The following PHC2 variants were observed in gnomAD, a reference collection of about 807,000 sequenced individuals.
The protein encoded by PHC2 is polyhomeotic-like protein 2.
In PHC2, 29 loss-of-function variants were observed where a neutral mutation model predicts 87.4. That is an observed-to-expected ratio of 0.33 (90% CI 0.25 to 0.45). The LOEUF is 0.45. Among genes scored for constraint, PHC2 ranks in the 20% least tolerant of loss-of-function variants. PHC2 has a pLI of 1.00. For missense variants in PHC2, 857 were observed against 1,136.7 expected (o/e 0.75, Z 3.54); for synonymous variants, 438 against 461.7 (o/e 0.95, Z 0.66).
Position 33,349,018 on chromosome 1 carries a change from G to A in PHC2, c.1558+5383C>T, listed in dbSNP as rs1390439885. 14 of 949,656 alleles carry A rather than the reference G, an allele frequency of 1.5e-5. No homozygotes were observed. The highest frequency in any genetic ancestry group is 1.0e-5 in the Non-Finnish European group (8 of 797,474). 58.8% of individuals were successfully genotyped at this position (949,656 alleles called of 1,614,324 possible). On this transcript the variant is annotated intron_variant, in intron 9 of 14. Transcript: ENST00000683057. The surrounding 1 kb of genome is among the most constrained non-coding windows in gnomAD (Gnocchi z 4.2). ...TTAAATACAGAATCTCACAAATCCC[G>A]ATTTTAATGTAAAGAAGCAACAAAT...
At chr1:33,403,015 G>A (rs545687902) in intron 1 of PHC2, among the ~76,000 whole-genome samples, 6 of 151,064 alleles carry the variant, frequency 4.0e-5, no homozygotes, top group Admixed American at 4.0e-4. Flanking sequence ...TAGACATGGG[G>A]TTTCACTGTG....
At chr1:33,379,586 C>A (rs1048339780) in intron 1 of PHC2, among the ~76,000 whole-genome samples, 5 of 145,198 alleles carry the variant, frequency 3.4e-5, no homozygotes, top group Non-Finnish European at 1.5e-5. Context: ...TGCCCCTGGT[C>A]CCTGCCATCT....
At chr1:33,326,820 C>T (rs866161686) in intron 14 of PHC2, among the ~76,000 whole-genome samples, 4 of 152,114 alleles carry the variant, frequency 2.6e-5, no homozygotes, top group East Asian at 3.9e-4. Context: ...TGTGTGGTGG[C>T]GAATGTCTGT....
intron 9 of PHC2, chr1:33,348,903 C>T: frequency 4.8e-6 from 1 of 208,102 alleles, no homozygotes; most frequent in Non-Finnish European, 8.4e-6. Context: ...GTATCCGACA[C>T]GGGGCCCAGG....
chr1:33,350,439 CAG>C (rs1328887353), intron 9 of PHC2: 1 of 152,318 alleles, frequency 6.6e-6, no homozygotes, highest in Non-Finnish European at 1.5e-5. Flanking sequence ...GGCACACGGT[CAG>C]AGTCCCGTAA....
chr1:33,339,979 A>G (rs1646713021), intron 9 of PHC2, among the ~76,000 whole-genome samples: 1 of 152,206 alleles, frequency 6.6e-6, no homozygotes, highest in African/African-American at 2.4e-5. Flanking sequence ...AACATCTGCA[A>G]CAGGTATTTC....
chr1:33,393,702 C>T (rs1431511442), intron 1 of PHC2, among the ~76,000 whole-genome samples: 2 of 152,252 alleles, frequency 1.3e-5, no homozygotes, highest in Non-Finnish European at 2.9e-5. Context: ...CTCAGTAATC[C>T]AGAGCCAATG....
chr1:33,331,689 G>C lies in PHC2; in HGVS notation c.1892-227C>G. The stretch of plus-strand genomic sequence containing the variant: ...TAGACTTGACATTTTTTTCTTCCAC[G>C]TGGTCTGAGTCTGAGGCAAAACACA... On this transcript the variant is annotated intron_variant, in intron 11 of 14. Coordinates refer to ENST00000683057, the MANE Select transcript of PHC2 (RefSeq NM_001385109.1). This position sits in a 1 kb window ranked among gnomAD's most constrained non-coding sequence, Gnocchi z 5.2. 2.2e-6 allele frequency: 1 copy of C among 454,760 alleles called. No homozygotes were observed. Among genetic ancestry groups the C allele is most frequent in the Non-Finnish European group, 3.9e-6 (1 of 256,340 alleles). 28.2% of individuals were successfully genotyped at this position (454,760 alleles called of 1,614,324 possible).
chr1:33,335,571 T>C (rs916176843), intron 9 of PHC2, among the ~76,000 whole-genome samples: 1 of 152,220 alleles, frequency 6.6e-6, no homozygotes, highest in Non-Finnish European at 1.5e-5. Context: ...TGCTTAATTA[T>C]ATAGTATGGA....
intron 5 of PHC2, 48 bp downstream of exon 5, chr1:33,370,373 C>T (rs750784645): frequency 2.5e-5 from 40 of 1,573,252 alleles, no homozygotes; most frequent in Non-Finnish European, 3.5e-5. Context: ...TTCTCTGCCT[C>T]TGTCCTCCTG....
chr1:33,334,318 AAGC>A lies in PHC2; in HGVS notation c.1559-29_1559-27del. 1 of 1,603,442 alleles carries A rather than the reference AAGC, an allele frequency of 6.2e-7. No individual in the cohort carries two copies. Among genetic ancestry groups the A allele is most frequent in the South Asian group, 1.1e-5 (1 of 90,490 alleles). ...CTGCACGAGAGAGAGTAGGAAAACA[AAGC>A]AGGGGAGATCAGAACCAGAGTCCAC... On this transcript the variant is annotated intron_variant, in intron 9 of 14. Transcript: ENST00000683057. This position sits in a 1 kb window ranked among gnomAD's most constrained non-coding sequence, Gnocchi z 5.5.
At chr1:33,371,445 GGCCACCACCATCACACCCA>G (rs1202432366) in intron 3 of PHC2, among the ~76,000 whole-genome samples, 6 of 151,074 alleles carry the variant, frequency 4.0e-5, no homozygotes, top group African/African-American at 9.7e-5. Context: ...CATCACACCT[GGCCACCACCATCACACCCA>G]GCCACCACCA....
In PHC2 at chr1:33,364,422, A is replaced by ACACACACG. The variant is rs1276306678; in HGVS notation, c.976+2693_976+2694insCGTGTGTG. Reference sequence around the variant, plus strand: ...CACACACACACACACACACACACACACACGCTCAAGCACGCTCTTCTCTCC... The same window carrying ACACACACG: ...CACACACACACACACACACACACACACACACACGCACGCTCAAGCACGCTCTTCTCTCC... On this transcript the variant is annotated intron_variant, in intron 7 of 14. Coordinates refer to ENST00000683057, the MANE Select transcript of PHC2 (RefSeq NM_001385109.1). This position sits in a 1 kb window ranked among gnomAD's most constrained non-coding sequence, Gnocchi z 4.1. 3.4e-3 allele frequency among the ~76,000 whole-genome samples: 503 copies of ACACACACG among 149,734 alleles called. 5 individuals carry two copies. The highest frequency in any genetic ancestry group is 0.021 in the East Asian group (102 of 4,884).
intron 1 of PHC2, among the ~76,000 whole-genome samples, chr1:33,384,433 AAG>A (rs1383383279): frequency 2.6e-5 from 4 of 152,224 alleles, no homozygotes; most frequent in African/African-American, 9.6e-5. Context: ...TTGAGATGGG[AAG>A]AGTTACCAAA....
chr1:33,370,168 T>G (rs1215202945), intron 5 of PHC2, among the ~76,000 whole-genome samples: 1 of 152,170 alleles, frequency 6.6e-6, no homozygotes, highest in African/African-American at 2.4e-5. Context: ...TCTGTTTCAC[T>G]CTAGGAGGAG....
chr1:33,334,378 C>A lies in PHC2; in HGVS notation c.1559-86G>T, dbSNP rs1051222227. ...GGAGGGACAGCAAGGACTCAAACTG[C>A]GCCCGGCTTTTACCGTGGGGCCAAG... On this transcript the variant is annotated intron_variant, in intron 9 of 14. Transcript: ENST00000683057. This position sits in a 1 kb window ranked among gnomAD's most constrained non-coding sequence, Gnocchi z 5.5. 2.4e-6 allele frequency: 3 copies of A among 1,252,404 alleles called. No individual in the cohort carries two copies. The South Asian group carries it at 3.9e-5, about 16-fold the overall frequency. The allele number at this position is 1,252,404 out of a possible 1,614,324, so 77.6% of individuals were successfully genotyped here.
chr1:33,372,298 G>C lies in PHC2; in HGVS notation c.324C>G (p.Ala108=), dbSNP rs763927972. ...CCTTCCCAAGTCTCACCTGCTGTAC[G>C]GCTGCCAGGCTCTGGAGCTGGGCGC... ...LSSAQLQSLA[A]VQQASLVSNR... Residue 108 remains alanine, a synonymous_variant, in exon 3 of 15, where the codon GCC becomes GCG. Coordinates refer to ENST00000683057, the MANE Select transcript of PHC2 (RefSeq NM_001385109.1). 4 of 1,565,808 alleles carry C rather than the reference G, an allele frequency of 2.6e-6. No homozygotes were observed. Among genetic ancestry groups the C allele is most frequent in the Non-Finnish European group, 3.5e-6 (4 of 1,150,922 alleles).
intron 9 of PHC2, chr1:33,346,223 G>T: frequency 1.2e-6 from 1 of 822,410 alleles, no homozygotes; most frequent in Non-Finnish European, 1.5e-6. Context: ...TAGGGCTGGG[G>T]ACTGGGGGGA....
At chr1:33,371,541 G>GC in intron 3 of PHC2, among the ~76,000 whole-genome samples, 1 of 152,112 alleles carries the variant, frequency 6.6e-6, no homozygotes, top group Non-Finnish European at 1.5e-5. Context: ...ATCACACCCA[G>GC]CCACCGCCCC....
Sources: gnomAD v4.1 joint callset for allele counts (sites outside exome capture counted in the v4.1 genomes callset) on GRCh38, gnomAD v4.1.1 for gene constraint, Gnocchi (gnomAD v3.1) non-coding constraint, MANE v1.5 for transcripts, NCBI Gene and HGNC (gene_info 2026-07-23, HGNC 2026-07-21) for gene names.